The following TIMM9 variants were observed in gnomAD, a reference collection of about 807,000 sequenced individuals.
TIMM9 encodes the protein translocase of inner mitochondrial membrane 9, also known as mitochondrial import inner membrane translocase subunit Tim9.
A neutral mutation model predicts 13.4 loss-of-function variants in TIMM9; 10 were observed. The ratio of observed to expected loss-of-function variants is 0.75; its 90% CI spans 0.46 to 1.26. The LOEUF (loss-of-function observed/expected upper bound fraction) is 1.26. Among genes scored for constraint, TIMM9 ranks in the 50% most tolerant of loss-of-function variants. The probability of loss-of-function intolerance (pLI) is 0.00; values close to 1 mark genes in which losing one functional copy is unlikely to be tolerated. For missense variants in TIMM9, 87 were observed against 100.8 expected, an observed-to-expected ratio of 0.86 and a Z score of 0.58; for synonymous variants, 32 against 32.1, an observed-to-expected ratio of 1.00 and a Z score of 0.01.
At chr14:58,413,077 T>C (rs568229929) in intron 3 of TIMM9, among the ~76,000 whole-genome samples, 1 of 152,312 alleles carries the variant, frequency 6.6e-6, no homozygotes, top group South Asian at 2.1e-4. Context: ...CATTTCAACA[T>C]ACAATCACAT....
rs1404045227 is a variant in TIMM9 at position 58,427,482 on chromosome 14, A to C, written c.-394T>G. The C allele has an allele frequency of 9.4e-7, 1 of 1,060,372 alleles. No individual in the cohort carries two copies. Among genetic ancestry groups the C allele is most frequent in the African/African-American group, 1.6e-5 (1 of 63,134 alleles). The allele number at this position is 1,060,372 out of a possible 1,614,324, so 65.7% of individuals were successfully genotyped here. A position where few individuals can be genotyped will look rare whatever the true frequency, so the allele number is the denominator to read the frequency against. ...TAGTATTACAAGTCGGGAGCTCTTC[A>C]AGTCTTGGATGAGACTGTAGAGCGG... is the stretch of plus-strand genomic sequence containing the variant. On this transcript the variant is annotated 5_prime_UTR_variant, in exon 1 of 6. Transcript: ENST00000395159.
intron 3 of TIMM9, among the ~76,000 whole-genome samples, chr14:58,421,326 C>G (rs2036582148): frequency 6.6e-6 from 1 of 152,004 alleles, no homozygotes; most frequent in Non-Finnish European, 1.5e-5. Flanking sequence ...ATATGGTTGC[C>G]AAGGGTTAAG....
At chr14:58,412,005 T>G in intron 3 of TIMM9, 34 bp from the exon 4 acceptor site, 1 of 1,510,730 alleles carries the variant, frequency 6.6e-7, no homozygotes, top group South Asian at 1.1e-5. Context: ...TTTGTCAATC[T>G]ATAAACAAAT....
intron 2 of TIMM9, among the ~76,000 whole-genome samples, chr14:58,424,858 C>T (rs11847737): frequency 1.3e-5 from 2 of 151,908 alleles, no homozygotes; most frequent in Admixed American, 6.6e-5. Context: ...CAGAAAGAGA[C>T]CCTGTCTCAA....
intron 2 of TIMM9, among the ~76,000 whole-genome samples, chr14:58,425,375 G>A (rs2036701804): frequency 6.6e-6 from 1 of 151,832 alleles, no homozygotes; most frequent in South Asian, 2.1e-4. Context: ...AATAAGCCTG[G>A]GCAATAAGGC....
At chr14:58,414,102 A>C (rs1257106076) in intron 3 of TIMM9, among the ~76,000 whole-genome samples, 1 of 151,562 alleles carries the variant, frequency 6.6e-6, no homozygotes, top group African/African-American at 2.4e-5. Flanking sequence ...AACATGAATC[A>C]TGTACACTGT....
chr14:58,419,416 C>T (rs908316032), intron 3 of TIMM9, among the ~76,000 whole-genome samples: 2 of 149,532 alleles, frequency 1.3e-5, no homozygotes, highest in African/African-American at 4.9e-5. Context: ...GGTTGCGCCA[C>T]TACGCTCCAG....
chr14:58,426,576 A>G (rs2036825718), intron 2 of TIMM9, among the ~76,000 whole-genome samples: 1 of 152,156 alleles, frequency 6.6e-6, no homozygotes, highest in South Asian at 2.1e-4. Flanking sequence ...AAAATTAGTT[A>G]TTTAGCTTTT....
At chr14:58,423,066 A>G (rs2036633965) in intron 3 of TIMM9, among the ~76,000 whole-genome samples, 1 of 151,720 alleles carries the variant, frequency 6.6e-6, no homozygotes, top group Non-Finnish European at 1.5e-5. Context: ...CAGCCTCCCA[A>G]AGTGCTGGGA....
chr14:58,413,155 T>G (rs2036277090), intron 3 of TIMM9, among the ~76,000 whole-genome samples: 1 of 152,192 alleles, frequency 6.6e-6, no homozygotes, highest in African/African-American at 2.4e-5. Context: ...GTGAGCATTT[T>G]ACACTTACAC....
At chr14:58,420,521 G>A (rs568315411) in intron 3 of TIMM9, among the ~76,000 whole-genome samples, 28 of 152,192 alleles carry the variant, frequency 1.8e-4, no homozygotes, top group African/African-American at 5.8e-4. Flanking sequence ...TGCTGGGTGC[G>A]GTGGCTCACG....
intron 3 of TIMM9, among the ~76,000 whole-genome samples, chr14:58,416,699 T>C (rs555778354): frequency 2.6e-5 from 4 of 152,338 alleles, no homozygotes; most frequent in Admixed American, 2.6e-4. Flanking sequence ...TAAATGTATG[T>C]AGACAATTAA....
intron 3 of TIMM9, among the ~76,000 whole-genome samples, chr14:58,421,605 T>C (rs2036589997): frequency 1.3e-5 from 2 of 152,164 alleles, no homozygotes; most frequent in Admixed American, 6.5e-5. Flanking sequence ...AAAAATGTTA[T>C]TGTATAACTT....
At chr14:58,426,940 G>C (rs1200928645) in intron 2 of TIMM9, 114 bp downstream of exon 2, 2 of 152,784 alleles carry the variant, frequency 1.3e-5, no homozygotes, top group Non-Finnish European at 2.9e-5. Context: ...ACCCCCCACT[G>C]CTCCAGGTAC....
At chr14:58,418,418 C>T (rs1453217715) in intron 3 of TIMM9, among the ~76,000 whole-genome samples, 1 of 152,188 alleles carries the variant, frequency 6.6e-6, no homozygotes, top group Non-Finnish European at 1.5e-5. Context: ...TGTCCACTCT[C>T]ACCACTCTTA....
At chr14:58,422,953 C>T (rs917455683) in intron 3 of TIMM9, among the ~76,000 whole-genome samples, 8 of 151,888 alleles carry the variant, frequency 5.3e-5, no homozygotes, top group African/African-American at 1.9e-4. Flanking sequence ...GGATTACAGG[C>T]ATGCACTACC....
In TIMM9 at chr14:58,408,840, T is replaced by C. The variant is rs2036115370; in HGVS notation, c.*194A>G. On this transcript the variant is annotated 3_prime_UTR_variant, in exon 6 of 6. Transcript: ENST00000395159. ...TGCATCTTATTATTTCACTGAACAA[T>C]AAGACCTTCTATTGTGATTATTCCT... 1 of 795,574 alleles carries C rather than the reference T, an allele frequency of 1.3e-6. No homozygotes were observed. Among genetic ancestry groups the C allele is most frequent in the Non-Finnish European group, 1.9e-6 (1 of 521,028 alleles). The allele number at this position is 795,574 out of a possible 1,614,324, so 49.3% of individuals were successfully genotyped here. A position where few individuals can be genotyped will look rare whatever the true frequency, so the allele number is the denominator to read the frequency against.
chr14:58,412,214 C>A lies in TIMM9; in HGVS notation c.-26-243G>T. Reference sequence around the variant, plus strand: ...CTGGAGCGCAGTGGCGCCATCTTGGCTCACTGCAACCTCTGCCTCCGGGTT... The same window carrying A: ...CTGGAGCGCAGTGGCGCCATCTTGGATCACTGCAACCTCTGCCTCCGGGTT... On this transcript the variant is annotated intron_variant, in intron 3 of 5. Coordinates refer to ENST00000395159, the MANE Select transcript of TIMM9 (RefSeq NM_012460.4). 3 of 355,128 alleles carry A rather than the reference C, an allele frequency of 8.4e-6. 1 individual carries two copies. The highest frequency in any genetic ancestry group is 1.6e-5 in the Non-Finnish European group (3 of 190,394). The allele number at this position is 355,128 out of a possible 1,614,324, so 22.0% of individuals were successfully genotyped here.
chr14:58,416,342 C>G (rs1329025107), intron 3 of TIMM9, among the ~76,000 whole-genome samples: 1 of 152,158 alleles, frequency 6.6e-6, no homozygotes, highest in African/African-American at 2.4e-5. Context: ...AGGATGAAAG[C>G]AGATTTTTCT....
Sources: allele counts gnomAD v4.1 joint callset (sites outside exome capture counted in the v4.1 genomes callset), GRCh38; gene constraint gnomAD v4.1.1; transcripts MANE v1.5; gene names NCBI Gene and HGNC (gene_info 2026-07-23, HGNC 2026-07-21).